Variants in CSMD1 observed in about 807,000 individuals in gnomAD.
The protein encoded by CSMD1 is CUB and sushi domain-containing protein 1.
In CSMD1, 213 loss-of-function variants were observed where a neutral mutation model predicts 417.5. The ratio of observed to expected loss-of-function variants is 0.51; its 90% CI spans 0.46 to 0.57. The LOEUF (loss-of-function observed/expected upper bound fraction) is 0.57. Among genes scored for constraint, CSMD1 ranks in the 20% least tolerant of loss-of-function variants. The probability of loss-of-function intolerance (pLI) is 0.00; values close to 1 mark genes in which losing one functional copy is unlikely to be tolerated. For synonymous variants in CSMD1, 2,862 were observed against 1,736.8 expected, an observed-to-expected ratio of 1.65 and a Z score of -16.11; for missense variants, 6,923 against 4,529.7, an observed-to-expected ratio of 1.53 and a Z score of -15.17.
rs78115987 is a variant in CSMD1 at position 3,759,038 on chromosome 8, G to C, written c.819-4996C>G. ...ACGCAAACAAACGCCTTTTCCCATA[G>C]AGTCTCCAGAGAGCAACACAGCCCA... On this transcript the variant is annotated intron_variant, in intron 5 of 69. Coordinates refer to ENST00000635120, the MANE Select transcript of CSMD1 (RefSeq NM_033225.6). 6.3e-3 allele frequency among the ~76,000 whole-genome samples: 960 copies of C among 152,298 alleles called. 35 individuals are homozygous for C. The East Asian group carries it at 0.11, about 17-fold the overall frequency.
chr8:3,742,041 C>A (rs79780441), intron 6 of CSMD1, among the ~76,000 whole-genome samples: 5,498 of 151,178 alleles, frequency 0.036, 339 homozygotes, highest in African/African-American at 0.13. Flanking sequence ...CTTTTCTTCC[C>A]AGCTTCACAC....
intron 5 of CSMD1, among the ~76,000 whole-genome samples, chr8:3,870,113 T>C (rs1366993027): frequency 2.6e-5 from 4 of 152,150 alleles, no homozygotes; most frequent in Non-Finnish European, 5.9e-5. Context: ...ATGCACTCTA[T>C]AAACAGGTAG....
At chr8:3,482,599 G>A (rs1254259864) in intron 11 of CSMD1, among the ~76,000 whole-genome samples, 1 of 152,150 alleles carries the variant, frequency 6.6e-6, no homozygotes, top group Non-Finnish European at 1.5e-5. Flanking sequence ...TAGCAAACAG[G>A]CAGAAAATAT....
At chr8:3,818,268 C>G (rs1156334107) in intron 5 of CSMD1, among the ~76,000 whole-genome samples, 1 of 152,218 alleles carries the variant, frequency 6.6e-6, no homozygotes, top group African/African-American at 2.4e-5. Context: ...GTGCTTCACC[C>G]TCTCTATTCA....
At chr8:4,171,636 A>C (rs1370587094) in intron 3 of CSMD1, among the ~76,000 whole-genome samples, 1 of 150,492 alleles carries the variant, frequency 6.6e-6, no homozygotes, top group Non-Finnish European at 1.5e-5. Context: ...CCAAATCCCA[A>C]ACTTGCCTGT....
chr8:4,034,448 T>C (rs1046409739), intron 3 of CSMD1, among the ~76,000 whole-genome samples: 41 of 152,224 alleles, frequency 2.7e-4, no homozygotes, highest in African/African-American at 9.2e-4. Flanking sequence ...TCTTTTTTAA[T>C]AAGAAAATTC....
intron 11 of CSMD1, among the ~76,000 whole-genome samples, chr8:3,488,152 G>C (rs940940292): frequency 1.3e-4 from 20 of 151,376 alleles, no homozygotes; most frequent in African/African-American, 3.9e-4. Context: ...GCTCAGGCTG[G>C]AGTGCAGTGG....
intron 7 of CSMD1, among the ~76,000 whole-genome samples, chr8:3,620,421 T>A (rs893860176): frequency 3.3e-5 from 5 of 152,180 alleles, no homozygotes; most frequent in African/African-American, 1.2e-4. Context: ...ACCCCCATGT[T>A]CATTTCCTAC....
intron 23 of CSMD1, among the ~76,000 whole-genome samples, chr8:3,324,285 C>A (rs1410484702): frequency 6.8e-6 from 1 of 146,328 alleles, no homozygotes; most frequent in Non-Finnish European, 1.5e-5. Flanking sequence ...TAGGCCACAC[C>A]TAACCCCTGA....
intron 3 of CSMD1, among the ~76,000 whole-genome samples, chr8:4,260,008 A>G (rs571448337): frequency 1.5e-5 from 2 of 135,000 alleles, no homozygotes; most frequent in Admixed American, 1.7e-4. Context: ...ATCAGTTAAC[A>G]TGTCTTCTTG....
At chr8:4,991,919 C>A (rs1463087265) in intron 1 of CSMD1, among the ~76,000 whole-genome samples, 1 of 152,160 alleles carries the variant, frequency 6.6e-6, no homozygotes, top group Non-Finnish European at 1.5e-5. Flanking sequence ...GCTCCACGGA[C>A]CCACTGCCTC....
rs1807069870 is a variant in CSMD1 at position 2,998,048 on chromosome 8, G to A, written c.8340C>T (p.Ser2780=). ...LQGVSRAQCR[S]NGQWSSPLPT... Reference sequence around the variant, plus strand: ...GCAGAGGGCTACTCCACTGGCCGTTGCTCCGACACTGGGCTCGAGACACGC... The same window carrying A: ...GCAGAGGGCTACTCCACTGGCCGTTACTCCGACACTGGGCTCGAGACACGC... The change falls in exon 54 of 70, where the codon AGC becomes AGT. Residue 2780 remains serine, a synonymous_variant. Transcript: ENST00000635120. 2 of 1,613,866 alleles carry A rather than the reference G, an allele frequency of 1.2e-6. No individual in the cohort carries two copies. Among genetic ancestry groups the A allele is most frequent in the Admixed American group, 1.7e-5 (1 of 60,000 alleles).
intron 1 of CSMD1, among the ~76,000 whole-genome samples, chr8:4,820,314 A>G (rs1393408739): frequency 6.6e-6 from 1 of 152,226 alleles, no homozygotes; most frequent in Non-Finnish European, 1.5e-5. Flanking sequence ...GCGCCATAGA[A>G]GCCTGAGTAT....
intron 1 of CSMD1, among the ~76,000 whole-genome samples, chr8:4,986,660 C>A (rs181039707): frequency 6.6e-6 from 1 of 152,054 alleles, no homozygotes; most frequent in East Asian, 1.9e-4. Context: ...CCCCTGAAGT[C>A]TCCCCATAAT....
At chr8:3,052,972 C>G (rs11989241) in intron 49 of CSMD1, among the ~76,000 whole-genome samples, 110,809 of 151,718 alleles carry the variant, frequency 0.73, 41,023 homozygotes, top group East Asian at 0.81. Flanking sequence ...ATTTTTAGTA[C>G]AGACTATTTA....
intron 42 of CSMD1, among the ~76,000 whole-genome samples, chr8:3,114,096 T>C (rs1049069739): frequency 2.0e-5 from 3 of 151,878 alleles, no homozygotes; most frequent in Non-Finnish European, 4.4e-5. Context: ...AAACATTAAT[T>C]ATCCATGCAT....
intron 10 of CSMD1, among the ~76,000 whole-genome samples, chr8:3,545,752 G>C (rs1244045415): frequency 1.3e-5 from 2 of 152,168 alleles, no homozygotes; most frequent in South Asian, 4.1e-4. Flanking sequence ...AGGGCTACTG[G>C]AATCTCAAAT....
At chr8:4,890,663 C>T (rs561175513) in intron 1 of CSMD1, among the ~76,000 whole-genome samples, 1 of 150,848 alleles carries the variant, frequency 6.6e-6, no homozygotes, top group East Asian at 2.0e-4. Flanking sequence ...CAGATGAGAG[C>T]GTGTGACTCC....
chr8:4,201,218 A>G (rs184084133), intron 3 of CSMD1, among the ~76,000 whole-genome samples: 1 of 152,206 alleles, frequency 6.6e-6, no homozygotes, highest in African/African-American at 2.4e-5. Context: ...TGGCACAAAG[A>G]AAATACTGGT....
Sources: allele counts gnomAD v4.1 joint callset (sites outside exome capture counted in the v4.1 genomes callset), GRCh38; gene constraint gnomAD v4.1.1; transcripts MANE v1.5; gene names NCBI Gene and HGNC (gene_info 2026-07-23, HGNC 2026-07-21).